USH2A: variants seen among roughly 807,000 people sequenced by gnomAD.
USH2A encodes Usher syndrome 2A (autosomal recessive, mild).
A neutral mutation model predicts 538.9 loss-of-function variants in USH2A; 443 were observed. That is an observed-to-expected ratio of 0.82 (90% confidence interval 0.76 to 0.89). The LOEUF (loss-of-function observed/expected upper bound fraction) is 0.89. Among genes scored for constraint, USH2A ranks in the 40% least tolerant of loss-of-function variants. The pLI is 0.00. For missense variants in USH2A, 6,633 were observed against 6,324.8 expected (o/e 1.05, Z -1.65); for synonymous variants, 2,413 against 2,273.5 (o/e 1.06, Z -1.75).
chr1:215,634,687 A>T lies in USH2A; in HGVS notation c.15069T>A (p.Thr5023=). 6.2e-7 allele frequency: 1 copy of T among 1,614,154 alleles called. No homozygotes were observed. The highest frequency in any genetic ancestry group is 8.5e-7 in the Non-Finnish European group (1 of 1,180,032). ...TCCGCGATCCCTTCTTTTTCCCAGG[A>T]GTTGTTAGGACCAAGCCTGCAAAAC... is the stretch of plus-strand genomic sequence containing the variant. ...TSTGLGLVLT[T]PGKKKGSRSK... The change falls in exon 70 of 72, where the codon ACT becomes ACA. Residue 5023 remains threonine (T), a synonymous_variant. Transcript: ENST00000307340.
intron 43 of USH2A, among the ~76,000 whole-genome samples, chr1:215,871,134 C>CCCATTTGCTTGAGA (rs1664615980): frequency 6.6e-6 from 1 of 152,106 alleles, no homozygotes; most frequent in Non-Finnish European, 1.5e-5. Context: ...TAGTTTTTCC[C>CCCATTTGCTTGAGA]CCATTTGCTT....
chr1:216,217,386 C>T lies in USH2A; in HGVS notation c.3157+1G>A. On this transcript the variant is annotated splice_donor_variant, in intron 15 of 71. Coordinates refer to ENST00000307340, the MANE Select transcript of USH2A (RefSeq NM_206933.4). LOFTEE classifies it high-confidence loss of function. ...CCAGCACTGAACCAGAGTTCACTTA[C>T]TTTTGCTGCAACCCAATAGATTGTT... The T allele has an allele frequency of 2.5e-6, 4 of 1,612,864 alleles. No homozygotes were observed. Among genetic ancestry groups the T allele is most frequent in the Non-Finnish European group, 3.4e-6 (4 of 1,179,182 alleles).
At chr1:216,138,228 A>G (rs1196526209) in intron 21 of USH2A, among the ~76,000 whole-genome samples, 1 of 152,214 alleles carries the variant, frequency 6.6e-6, no homozygotes, top group African/African-American at 2.4e-5. Context: ...AATGGCCGGT[A>G]CACAGCAGGC....
rs557445238 is a variant in USH2A, at chr1:215,694,328, C to T, written c.12067-13952G>A. 7.4e-4 allele frequency among the ~76,000 whole-genome samples: 112 copies of T among 152,294 alleles called. 1 individual carries two copies. The highest frequency in any genetic ancestry group is 3.2e-3 in the Admixed American group (49 of 15,302). ...GTGGCTCACACCTGTAATCCCAGCA[C>T]TTTGGGAGGCCAAGGCGGGTAGATC... On this transcript the variant is annotated intron_variant, in intron 61 of 71. Coordinates refer to ENST00000307340, the MANE Select transcript of USH2A (RefSeq NM_206933.4).
chr1:216,093,631 C>T (rs2032359625), intron 22 of USH2A, among the ~76,000 whole-genome samples: 1 of 152,158 alleles, frequency 6.6e-6, no homozygotes, highest in African/African-American at 2.4e-5. Context: ...AGCAACACCA[C>T]ATGTCAAAAG....
At position 215,634,596 on chromosome 1, in the gene USH2A, AG is replaced by A; in HGVS notation, c.15159del (p.Leu5054CysfsTer8). On this transcript the variant is annotated frameshift_variant, in exon 70 of 72. Coordinates refer to ENST00000307340, the MANE Select transcript of USH2A (RefSeq NM_206933.4). LOFTEE classifies it high-confidence loss of function. ...ATCAGGGACAGAAAAATGGCCAACAAGATCAAGCCCAGCATCGCCATTAACA... is the reference window on the plus strand; with the variant it reads ...ATCAGGGACAGAAAAATGGCCAACAAATCAAGCCCAGCATCGCCATTAACA... ...FIVLMAMLGL[I>X]LLAIFLSLIL... is the part of the protein sequence containing the mutation. 1 of 1,614,220 alleles carries A rather than the reference AG, an allele frequency of 6.2e-7. No individual in the cohort carries two copies. The highest frequency in any genetic ancestry group is 1.3e-5 in the African/African-American group (1 of 75,056).
intron 11 of USH2A, among the ~76,000 whole-genome samples, chr1:216,252,077 G>A (rs1256894381): frequency 6.6e-6 from 1 of 152,136 alleles, no homozygotes; most frequent in African/African-American, 2.4e-5. Flanking sequence ...CAAAATAACA[G>A]CTAAAACACT....
At chr1:216,261,485 T>A (rs2036370960) in intron 11 of USH2A, among the ~76,000 whole-genome samples, 2 of 142,192 alleles carry the variant, frequency 1.4e-5, no homozygotes, top group African/African-American at 2.6e-5. Context: ...AAATCTCAAC[T>A]AAAAGATTAG....
chr1:215,912,499 A>ATATATATATG (rs1558158064), intron 38 of USH2A, among the ~76,000 whole-genome samples: 51 of 43,076 alleles, frequency 1.2e-3, no homozygotes, highest in South Asian at 2.4e-3. Flanking sequence ...ATGTGTATAT[A>ATATATATATG]TATATATATA....
intron 60 of USH2A, among the ~76,000 whole-genome samples, chr1:215,729,054 A>G (rs970638775): frequency 6.6e-6 from 1 of 152,066 alleles, no homozygotes; most frequent in Non-Finnish European, 1.5e-5. Flanking sequence ...TCGTAAACTC[A>G]CTCTGAGCTT....
Position 216,423,435 on chromosome 1 carries a change from G to A in USH2A, c.-426C>T, listed in dbSNP as rs1337661782. The A allele has an allele frequency of 6.6e-6, 1 of 152,154 alleles. No homozygotes were observed. Among genetic ancestry groups the A allele is most frequent in the African/African-American group, 2.4e-5 (1 of 41,436 alleles). The allele number at this position is 152,154 out of a possible 1,614,324, so 9.4% of individuals were successfully genotyped here. A position where few individuals can be genotyped will look rare whatever the true frequency, so the allele number is the denominator to read the frequency against. ...AGCTCAGAGCGTGGTCTGCTTGGTG[G>A]CCCTCTTGGAACTGAGCTGCCCAAG... On this transcript the variant is annotated 5_prime_UTR_variant, in exon 1 of 72. Coordinates refer to ENST00000307340, the MANE Select transcript of USH2A (RefSeq NM_206933.4).
At chr1:215,642,856 A>C (rs1656732032) in intron 67 of USH2A, among the ~76,000 whole-genome samples, 1 of 152,118 alleles carries the variant, frequency 6.6e-6, no homozygotes, top group Admixed American at 6.5e-5. Flanking sequence ...GCTGTTAAAC[A>C]TTTACACCTC....
intron 32 of USH2A, among the ~76,000 whole-genome samples, chr1:216,006,898 A>T (rs1668405544): frequency 6.6e-6 from 1 of 152,100 alleles, no homozygotes; most frequent in Admixed American, 6.5e-5. Context: ...TTTTATCTAA[A>T]TGCTTCTCAG....
At chr1:215,700,415 C>T (rs558782449) in intron 61 of USH2A, among the ~76,000 whole-genome samples, 211 of 152,220 alleles carry the variant, frequency 1.4e-3, no homozygotes, top group African/African-American at 4.7e-3. Flanking sequence ...TGGTAGAATT[C>T]GGCTGTGAAT....
At chr1:216,215,475 G>A (rs2035325295) in intron 15 of USH2A, among the ~76,000 whole-genome samples, 1 of 151,958 alleles carries the variant, frequency 6.6e-6, no homozygotes, top group South Asian at 2.1e-4. Flanking sequence ...CAGGAGAGAA[G>A]GCTGGGACCC....
At chr1:216,263,235 CA>C (rs1558351068) in intron 11 of USH2A, among the ~76,000 whole-genome samples, 2 of 152,006 alleles carry the variant, frequency 1.3e-5, no homozygotes, top group African/African-American at 4.8e-5. Flanking sequence ...TAAACTATTC[CA>C]AAAAATTGAA....
At chr1:215,878,706 T>C (rs986779318) in intron 42 of USH2A, 58 bp downstream of exon 42, 5 of 1,558,626 alleles carry the variant, frequency 3.2e-6, no homozygotes, top group Admixed American at 1.8e-5. Context: ...TTCATTTCCC[T>C]ACTTCTCAGA....
At chr1:215,877,628 A>G in intron 43 of USH2A, 130 bp downstream of exon 43, 1 of 1,413,748 alleles carries the variant, frequency 7.1e-7, no homozygotes, top group Non-Finnish European at 9.8e-7. Context: ...TGCCACAGAT[A>G]ATAACCAAAC....
intron 3 of USH2A, among the ~76,000 whole-genome samples, chr1:216,413,330 T>C (rs2039523649): frequency 6.6e-6 from 1 of 152,082 alleles, no homozygotes; most frequent in South Asian, 2.1e-4. Flanking sequence ...TAAAGCTTAC[T>C]GAACTGAATG....
Sources: allele counts gnomAD v4.1 joint callset (sites outside exome capture counted in the v4.1 genomes callset), GRCh38; gene constraint gnomAD v4.1.1; transcripts MANE v1.5; gene names NCBI Gene and HGNC (gene_info 2026-07-23, HGNC 2026-07-21).